ARID4B: variants seen among roughly 807,000 people sequenced by gnomAD.
ARID4B encodes AT-rich interaction domain 4B.
In ARID4B, 26 loss-of-function variants were observed where a neutral mutation model predicts 147.5. That is an observed-to-expected ratio of 0.18 (90% CI 0.13 to 0.24). The LOEUF is 0.24. Among genes scored for constraint, ARID4B ranks in the 10% least tolerant of loss-of-function variants. ARID4B has a pLI of 1.00. For synonymous variants in ARID4B, 512 were observed against 507.9 expected (o/e 1.01, Z -0.11); for missense variants, 1,179 against 1,511.5 (o/e 0.78, Z 3.65).
chr1:235,255,934 G>A (rs1390126503), intron 4 of ARID4B, among the ~76,000 whole-genome samples, 184 bp from the exon 5 acceptor site: 2 of 152,040 alleles, frequency 1.3e-5, no homozygotes, highest in African/African-American at 4.8e-5. Context: ...AGCACTTTGA[G>A]GGGCTGAGGC....
intron 3 of ARID4B, 64 bp from the exon 4 acceptor site, chr1:235,257,289 C>T (rs1670043656): frequency 5.8e-6 from 6 of 1,035,016 alleles, no homozygotes; most frequent in African/African-American, 1.6e-5. Context: ...CATCAATGCA[C>T]CAATTATTCA....
chr1:235,271,174 G>A (rs185098583), intron 2 of ARID4B, among the ~76,000 whole-genome samples: 3 of 152,034 alleles, frequency 2.0e-5, no homozygotes, highest in Non-Finnish European at 4.4e-5. Context: ...GCAACATAGC[G>A]AGACTTCATC....
Position 235,231,120 on chromosome 1 carries a change from T to G in ARID4B, c.735A>C (p.Leu245Phe). The G allele has an allele frequency of 6.3e-7, 1 of 1,583,214 alleles. No homozygotes were observed. ...SDTAPKPDAV[L>F]KQAFEQALEF... ...TTCCAAGATTATCCTTACCTTGCTT[T>G]AAAACAGCATCAGGCTTTGGTGCAG... is the stretch of plus-strand genomic sequence containing the variant. Residue 245 changes from leucine to phenylalanine, a missense_variant, in exon 10 of 24, where the codon TTA becomes TTC. Around this residue, in one of 10 missense-constraint regions of ARID4B, gnomAD observed 159 missense variants for 190.5 expected, o/e 0.83. Transcript: ENST00000264183.
chr1:235,219,720 A>G, intron 16 of ARID4B, 73 bp downstream of exon 16: 1 of 1,217,432 alleles, frequency 8.2e-7, no homozygotes. Flanking sequence ...ATTCATACAT[A>G]AACACATACA....
chr1:235,271,752 C>T (rs983128912), intron 2 of ARID4B, among the ~76,000 whole-genome samples: 3 of 151,968 alleles, frequency 2.0e-5, no homozygotes, highest in Admixed American at 2.0e-4. Flanking sequence ...AGTTTGAGAC[C>T]AGCCTGACCA....
At chr1:235,311,294 A>T (rs1460295764) in intron 2 of ARID4B, among the ~76,000 whole-genome samples, 1 of 151,446 alleles carries the variant, frequency 6.6e-6, no homozygotes, top group Non-Finnish European at 1.5e-5. Flanking sequence ...TCAAGGCTAC[A>T]GTGAGCCGTG....
chr1:235,213,017 C>T (rs1362399696), intron 17 of ARID4B, among the ~76,000 whole-genome samples: 1 of 152,084 alleles, frequency 6.6e-6, no homozygotes, highest in Non-Finnish European at 1.5e-5. Context: ...ATAAATGATT[C>T]TTAAAAGATA....
intron 2 of ARID4B, among the ~76,000 whole-genome samples, chr1:235,274,993 TTGTGTG>T (rs72168611): frequency 0.13 from 19,740 of 148,396 alleles, 1,459 homozygotes; most frequent in African/African-American, 0.2. Flanking sequence ...AGGCCTAATT[TTGTGTG>T]TGTGTGTGTG....
chr1:235,249,858 T>G (rs1669531735), intron 6 of ARID4B, among the ~76,000 whole-genome samples: 1 of 150,474 alleles, frequency 6.6e-6, no homozygotes, highest in Non-Finnish European at 1.5e-5. Context: ...GAGAATCACT[T>G]GAACACGGGA....
In ARID4B at chr1:235,182,586, G is replaced by T; in HGVS notation, c.2333C>A (p.Ser778Tyr). 2 of 1,612,436 alleles carry T rather than the reference G, an allele frequency of 1.2e-6. No homozygotes were observed. The highest frequency in any genetic ancestry group is 1.7e-6 in the Non-Finnish European group (2 of 1,179,654). The change falls in exon 20 of 24, where the codon TCT becomes TAT. Residue 778 changes from serine to tyrosine, a missense_variant. By Grantham distance (144) the Ser-to-Tyr change is moderately radical. This residue lies in a region of ARID4B where 321 missense variants were observed against 342.4 expected (regional missense o/e 0.94). Transcript: ENST00000264183. Reference protein sequence around the residue: ...DLVISKPVSKSPERLRKDIEV... With the variant: ...DLVISKPVSKYPERLRKDIEV... Reference sequence around the variant, plus strand: ...TATATCTTTCCTTAATCTTTCTGGAGATTTTGACACTGGTTTGGATATTAC... The same window carrying T: ...TATATCTTTCCTTAATCTTTCTGGATATTTTGACACTGGTTTGGATATTAC...
chr1:235,239,525 G>A (rs1417374080), intron 8 of ARID4B, among the ~76,000 whole-genome samples: 2 of 152,166 alleles, frequency 1.3e-5, no homozygotes, highest in African/African-American at 2.4e-5. Context: ...AAAGATATTA[G>A]TATATGTTCC....
intron 7 of ARID4B, among the ~76,000 whole-genome samples, chr1:235,240,950 A>C (rs899005248): frequency 6.6e-6 from 1 of 152,192 alleles, no homozygotes; most frequent in Non-Finnish European, 1.5e-5. Flanking sequence ...CAACAAATAC[A>C]CACCAATTAG....
chr1:235,228,055 C>T (rs191456925), intron 11 of ARID4B, among the ~76,000 whole-genome samples: 70 of 151,836 alleles, frequency 4.6e-4, no homozygotes, highest in Admixed American at 1.5e-3. Context: ...AAGCTGGCCT[C>T]GAACTCCTGA....
At chr1:235,171,886 C>T (rs575440541) in intron 23 of ARID4B, among the ~76,000 whole-genome samples, 25 of 152,278 alleles carry the variant, frequency 1.6e-4, no homozygotes, top group Admixed American at 6.5e-4. Context: ...AGGCAATCCA[C>T]CCACCGCAGC....
At chr1:235,225,705 AAGTT>A (rs1425716840) in intron 11 of ARID4B, among the ~76,000 whole-genome samples, 1 of 152,240 alleles carries the variant, frequency 6.6e-6, no homozygotes, top group Non-Finnish European at 1.5e-5. Flanking sequence ...GTAACAGTAA[AAGTT>A]AGGATATTCA....
chr1:235,290,570 G>T (rs898080770), intron 2 of ARID4B, among the ~76,000 whole-genome samples: 5 of 152,084 alleles, frequency 3.3e-5, no homozygotes, highest in African/African-American at 4.8e-5. Context: ...AAAGCAAAAG[G>T]TCAAAAACAA....
chr1:235,318,100 G>A (rs905584105), intron 2 of ARID4B, among the ~76,000 whole-genome samples: 5 of 149,172 alleles, frequency 3.4e-5, no homozygotes, highest in Non-Finnish European at 7.4e-5. Context: ...CTGACAAAAT[G>A]TCGTATCTTC....
chr1:235,242,901 C>T (rs1669080110), intron 7 of ARID4B, among the ~76,000 whole-genome samples: 1 of 152,038 alleles, frequency 6.6e-6, no homozygotes, highest in Non-Finnish European at 1.5e-5. Flanking sequence ...ATTTACAGTC[C>T]CTGCCCATCT....
At chr1:235,211,327 G>A (rs565970714) in intron 17 of ARID4B, among the ~76,000 whole-genome samples, 6 of 152,102 alleles carry the variant, frequency 3.9e-5, no homozygotes, top group East Asian at 1.9e-4. Context: ...GTGAAACTCC[G>A]TGGAAGGAAG....
Sources: allele counts gnomAD v4.1 joint callset (sites outside exome capture counted in the v4.1 genomes callset), GRCh38; gene constraint gnomAD v4.1.1; regional missense constraint gnomAD v4.1.1; transcripts MANE v1.5; gene names NCBI Gene and HGNC (gene_info 2026-07-23, HGNC 2026-07-21).